Variants in PIP5K1B observed in about 807,000 individuals in gnomAD.
PIP5K1B encodes phosphatidylinositol-4-phosphate 5-kinase type 1 beta.
In PIP5K1B, 42 loss-of-function variants were observed where a neutral mutation model predicts 67.0. The observed-to-expected ratio is 0.63, with a 90% CI of 0.49 to 0.81. The LOEUF (loss-of-function observed/expected upper bound fraction) is 0.81. Among genes scored for constraint, PIP5K1B ranks in the 30% least tolerant of loss-of-function variants. PIP5K1B has a pLI of 0.00. For synonymous variants in PIP5K1B, 214 were observed against 231.4 expected (o/e 0.92, Z 0.68); for missense variants, 459 against 646.3 (o/e 0.71, Z 3.14).
intron 5 of PIP5K1B, among the ~76,000 whole-genome samples, chr9:68,870,178 A>G (rs1823562920): frequency 6.6e-6 from 1 of 152,190 alleles, no homozygotes; most frequent in South Asian, 2.1e-4. Context: ...CAGTATGGTA[A>G]TAACTTCTTG....
At chr9:68,816,970 A>G (rs1165827017) in intron 2 of PIP5K1B, among the ~76,000 whole-genome samples, 2 of 152,252 alleles carry the variant, frequency 1.3e-5, no homozygotes, top group African/African-American at 4.8e-5. Context: ...ATGACAAGAC[A>G]CAATAAATAA....
At chr9:68,794,760 A>C (rs1284598824) in intron 2 of PIP5K1B, among the ~76,000 whole-genome samples, 1 of 151,878 alleles carries the variant, frequency 6.6e-6, no homozygotes, top group Admixed American at 6.6e-5. Flanking sequence ...ATTTTTCCCT[A>C]TTCCTTTGCA....
intron 1 of PIP5K1B, among the ~76,000 whole-genome samples, chr9:68,714,338 T>C (rs72716088): frequency 0.11 from 17,290 of 152,240 alleles, 1,300 homozygotes; most frequent in Non-Finnish European, 0.17. Flanking sequence ...CTCCACCCTC[T>C]GCACACACCA....
chr9:69,008,740 TTGG>T lies in PIP5K1B; in HGVS notation c.*292_*294del. The T allele has an allele frequency of 2.7e-6, 1 of 367,980 alleles. No homozygotes were observed. The highest frequency in any genetic ancestry group is 5.1e-6 in the Non-Finnish European group (1 of 197,006). 22.8% of individuals were successfully genotyped at this position (367,980 alleles called of 1,614,324 possible). A position where few individuals can be genotyped will look rare whatever the true frequency, so the allele number is the denominator to read the frequency against. ...ACCATTGCCAATCACCTTTTTGGAG[TTGG>T]AAGTGCTATTTTCCTATGGACTTTT... On this transcript the variant is annotated 3_prime_UTR_variant, in exon 16 of 16. Coordinates refer to ENST00000265382, the MANE Select transcript of PIP5K1B (RefSeq NM_003558.4).
At chr9:68,892,869 G>A (rs1032281841) in intron 7 of PIP5K1B, among the ~76,000 whole-genome samples, 28 of 152,192 alleles carry the variant, frequency 1.8e-4, no homozygotes, top group African/African-American at 5.5e-4. Context: ...TCAGGAGTTC[G>A]AGACCAGCCT....
intron 14 of PIP5K1B, among the ~76,000 whole-genome samples, chr9:68,947,593 A>G (rs1243717819): frequency 6.6e-6 from 1 of 152,126 alleles, no homozygotes; most frequent in Non-Finnish European, 1.5e-5. Context: ...CTTTTTTAAA[A>G]GAGAGAGAGA....
At chr9:68,929,163 T>TA (rs60505568) in intron 12 of PIP5K1B, among the ~76,000 whole-genome samples, 67 of 101,464 alleles carry the variant, frequency 6.6e-4, no homozygotes, top group Middle Eastern at 4.9e-3. Context: ...AGACTCTATC[T>TA]AAAAAAAAAA....
At chr9:68,790,140 A>C (rs999840069) in intron 2 of PIP5K1B, among the ~76,000 whole-genome samples, 8 of 152,210 alleles carry the variant, frequency 5.3e-5, no homozygotes, top group Non-Finnish European at 1.2e-4. Context: ...TGTAACACCA[A>C]GATTCAAAGA....
intron 14 of PIP5K1B, among the ~76,000 whole-genome samples, chr9:68,974,205 T>C (rs912594419): frequency 6.6e-6 from 1 of 152,196 alleles, no homozygotes; most frequent in Non-Finnish European, 1.5e-5. Context: ...ATCATTCTGG[T>C]CCTCAGTCAT....
chr9:68,901,855 G>A (rs575989081), intron 8 of PIP5K1B, among the ~76,000 whole-genome samples: 24 of 152,162 alleles, frequency 1.6e-4, no homozygotes, highest in Non-Finnish European at 2.4e-4. Context: ...AGGTTTTATT[G>A]TGAGAACAGA....
In PIP5K1B at chr9:68,888,916, GTCC is replaced by G. The variant is rs569248835; in HGVS notation, c.319-60_319-58del. 490 of 1,121,926 alleles carry G rather than the reference GTCC, an allele frequency of 4.4e-4. 4 individuals carry two copies. The South Asian group carries it at 6.2e-3, about 14-fold the overall frequency. 69.5% of individuals were successfully genotyped at this position (1,121,926 alleles called of 1,614,324 possible). Reference sequence around the variant, plus strand: ...AGCTAAGATGTGCAATGCTATGATTGTCCTCCTTGGAGGCATCACGTACATCAA... The same window carrying G: ...AGCTAAGATGTGCAATGCTATGATTGTCCTTGGAGGCATCACGTACATCAA... On this transcript the variant is annotated intron_variant, in intron 6 of 15. Transcript: ENST00000265382.
chr9:68,975,934 A>G (rs1313761459), intron 14 of PIP5K1B, among the ~76,000 whole-genome samples: 2 of 152,188 alleles, frequency 1.3e-5, no homozygotes, highest in African/African-American at 4.8e-5. Context: ...ATCTTAACTA[A>G]TTATGTCTGC....
chr9:68,912,367 A>G (rs1825898551), intron 8 of PIP5K1B, among the ~76,000 whole-genome samples: 1 of 152,198 alleles, frequency 6.6e-6, no homozygotes, highest in African/African-American at 2.4e-5. Flanking sequence ...TTGGGTGAAC[A>G]TCTTTAGGGC....
chr9:68,886,432 C>A (rs1019635968), intron 6 of PIP5K1B, among the ~76,000 whole-genome samples: 1 of 152,168 alleles, frequency 6.6e-6, no homozygotes, highest in East Asian at 1.9e-4. Flanking sequence ...AGCCATCTGA[C>A]GGAAATTTCT....
chr9:68,858,831 T>C (rs1185393148), intron 4 of PIP5K1B, among the ~76,000 whole-genome samples: 1 of 152,252 alleles, frequency 6.6e-6, no homozygotes, highest in Non-Finnish European at 1.5e-5. Flanking sequence ...GATGGCATAT[T>C]AAGTGACCTA....
chr9:68,721,423 G>A (rs138103443), intron 1 of PIP5K1B, among the ~76,000 whole-genome samples: 1 of 152,298 alleles, frequency 6.6e-6, no homozygotes, highest in East Asian at 1.9e-4. Context: ...GGGAATGGTA[G>A]TAGTAGATGA....
intron 4 of PIP5K1B, chr9:68,843,131 G>A (rs1321940323): frequency 2.0e-5 from 3 of 152,170 alleles, no homozygotes; most frequent in African/African-American, 7.2e-5. Context: ...ATTTTTAAAG[G>A]TGATTGTGAA....
intron 14 of PIP5K1B, among the ~76,000 whole-genome samples, chr9:68,946,242 A>G (rs1358444686): frequency 6.6e-6 from 1 of 152,216 alleles, no homozygotes; most frequent in African/African-American, 2.4e-5. Context: ...CAAGGGAAAG[A>G]CAGCACAACT....
At chr9:68,805,126 C>T (rs1001176143) in intron 2 of PIP5K1B, among the ~76,000 whole-genome samples, 31 of 152,330 alleles carry the variant, frequency 2.0e-4, no homozygotes, top group Non-Finnish European at 4.1e-4. Context: ...AGAACAAACA[C>T]TGTTGGTGCA....
Sources: gnomAD v4.1 joint callset for allele counts (sites outside exome capture counted in the v4.1 genomes callset) on GRCh38, gnomAD v4.1.1 for gene constraint, MANE v1.5 for transcripts, NCBI Gene and HGNC (gene_info 2026-07-23, HGNC 2026-07-21) for gene names.